Variants in SLAIN2 observed in about 807,000 individuals in gnomAD.
SLAIN2 encodes the protein SLAIN motif-containing protein 2.
SLAIN2 carries 31 observed loss-of-function variants against 56.6 expected under a neutral mutation model. That is an observed-to-expected ratio of 0.55 (90% CI 0.41 to 0.74). The LOEUF is 0.74. Ranked by LOEUF, SLAIN2 falls within the 30% of genes least tolerant of loss-of-function variation. The probability of loss-of-function intolerance (pLI) is 0.00; values close to 1 mark genes in which losing one functional copy is unlikely to be tolerated. For missense variants in SLAIN2, 777 were observed against 754.2 expected (o/e 1.03, Z -0.35); for synonymous variants, 317 against 284.9 (o/e 1.11, Z -1.13).
intron 6 of SLAIN2, among the ~76,000 whole-genome samples, chr4:48,414,612 G>A (rs2109787283): frequency 7.3e-6 from 1 of 137,016 alleles, no homozygotes. Flanking sequence ...CATTGTGCAG[G>A]TTAGTTACAT....
At chr4:48,363,707 C>T (rs1318671170) in intron 1 of SLAIN2, among the ~76,000 whole-genome samples, 1 of 121,768 alleles carries the variant, frequency 8.2e-6, no homozygotes, top group Admixed American at 7.5e-5. Context: ...GCAGAGGCGC[C>T]CCTCACCTCC....
At chr4:48,346,545 T>A (rs1195820856) in intron 1 of SLAIN2, among the ~76,000 whole-genome samples, 1 of 152,226 alleles carries the variant, frequency 6.6e-6, no homozygotes, top group African/African-American at 2.4e-5. Context: ...GAGAGTTGAT[T>A]TATTGTATGA....
intron 4 of SLAIN2, among the ~76,000 whole-genome samples, chr4:48,381,436 G>A (rs1279511650): frequency 2.0e-5 from 3 of 152,038 alleles, no homozygotes; most frequent in Admixed American, 1.3e-4. Flanking sequence ...ACAGATTTGG[G>A]CAGTCACCTG....
chr4:48,387,767 T>TACCAAGATAA (rs1716137446), intron 6 of SLAIN2, among the ~76,000 whole-genome samples: 1 of 152,070 alleles, frequency 6.6e-6, no homozygotes, highest in African/African-American at 2.4e-5. Flanking sequence ...GTTACCAATT[T>TACCAAGATAA]ATCTTGAAAT....
At chr4:48,414,093 G>A (rs1365744399) in intron 6 of SLAIN2, among the ~76,000 whole-genome samples, 1 of 152,212 alleles carries the variant, frequency 6.6e-6, no homozygotes, top group Admixed American at 6.5e-5. Flanking sequence ...CCAAGGTTAG[G>A]ATTCTTAGTC....
chr4:48,425,482 T>A lies in SLAIN2; in HGVS notation c.*3405T>A, dbSNP rs1206078366. ...GTATGGATGGAAAAATCAAGAATTG[T>A]ACACTGTTTAATGAGTTCTCCATAT... On this transcript the variant is annotated 3_prime_UTR_variant, in exon 8 of 8. Coordinates refer to ENST00000264313, the MANE Select transcript of SLAIN2 (RefSeq NM_020846.2). 7 of 152,176 alleles carry A rather than the reference T, an allele frequency of 4.6e-5. No individual in the cohort carries two copies. The highest frequency in any genetic ancestry group is 2.6e-4 in the Admixed American group (4 of 15,280). 9.4% of individuals were successfully genotyped at this position (152,176 alleles called of 1,614,324 possible).
At chr4:48,381,232 C>A (rs1560458022) in intron 4 of SLAIN2, among the ~76,000 whole-genome samples, 1 of 152,066 alleles carries the variant, frequency 6.6e-6, no homozygotes, top group Non-Finnish European at 1.5e-5. Context: ...GTTTTGGTAA[C>A]AATAGAAATT....
intron 1 of SLAIN2, among the ~76,000 whole-genome samples, chr4:48,343,055 A>G (rs1714769336): frequency 6.6e-6 from 1 of 152,156 alleles, no homozygotes; most frequent in Non-Finnish European, 1.5e-5. Flanking sequence ...CATTTTTCTT[A>G]AAGTTTTAAC....
At chr4:48,353,674 T>C (rs1715078856) in intron 1 of SLAIN2, among the ~76,000 whole-genome samples, 1 of 152,190 alleles carries the variant, frequency 6.6e-6, no homozygotes, top group Non-Finnish European at 1.5e-5. Context: ...CTGTGGAGTA[T>C]ATCTGATGGG....
At chr4:48,353,293 G>A (rs1715060671) in intron 1 of SLAIN2, among the ~76,000 whole-genome samples, 1 of 152,162 alleles carries the variant, frequency 6.6e-6, no homozygotes. Flanking sequence ...AAACTGGAAT[G>A]AATGGTCACC....
intron 6 of SLAIN2, among the ~76,000 whole-genome samples, chr4:48,389,614 A>G (rs1479977491): frequency 1.3e-5 from 2 of 152,238 alleles, no homozygotes; most frequent in Non-Finnish European, 2.9e-5. Flanking sequence ...ATATTAAAAG[A>G]TATCTCAGCC....
Position 48,365,096 on chromosome 4 carries a change from C to G in SLAIN2, c.390-4753C>G, listed in dbSNP as rs150860216. On this transcript the variant is annotated intron_variant, in intron 1 of 7. Coordinates refer to ENST00000264313, the MANE Select transcript of SLAIN2 (RefSeq NM_020846.2). ...TCACAGTAGTGTTTGTGGTGATGTC[C>G]TCTCTTTTGTTTTTGGTAAGTTATA... Among the ~76,000 whole-genome samples, 418 of 151,868 alleles carry G rather than the reference C, an allele frequency of 2.8e-3. 2 individuals are homozygous for G. The highest frequency in any genetic ancestry group is 0.021 in the Admixed American group (322 of 15,252).
At chr4:48,365,542 A>G (rs1560453497) in intron 1 of SLAIN2, among the ~76,000 whole-genome samples, 1 of 149,880 alleles carries the variant, frequency 6.7e-6, no homozygotes, top group South Asian at 2.1e-4. Context: ...CCTTCTGGCT[A>G]CTTTGGGTTT....
intron 6 of SLAIN2, among the ~76,000 whole-genome samples, chr4:48,416,934 A>T (rs1717012908): frequency 1.8e-5 from 2 of 108,740 alleles, no homozygotes; most frequent in African/African-American, 7.3e-5. Flanking sequence ...TAACATCACA[A>T]TTAAAAGAAC....
In SLAIN2 at chr4:48,393,095, G is replaced by A. The variant is rs1307241390; in HGVS notation, c.1360+9311G>A. Among the ~76,000 whole-genome samples, 6 of 151,858 alleles carry A rather than the reference G, an allele frequency of 4.0e-5. No individual in the cohort carries two copies. In the South Asian group the frequency reaches 8.3e-4, roughly 21 times the overall value. ...ATAGAAGTAAGATAACCCATTGGCC[G>A]GGTGCAGTGGCTCACGCATGTAATT... is the stretch of plus-strand genomic sequence containing the variant. On this transcript the variant is annotated intron_variant, in intron 6 of 7. Coordinates refer to ENST00000264313, the MANE Select transcript of SLAIN2 (RefSeq NM_020846.2).
At chr4:48,360,465 G>A (rs1408831994) in intron 1 of SLAIN2, among the ~76,000 whole-genome samples, 3 of 150,274 alleles carry the variant, frequency 2.0e-5, no homozygotes, top group South Asian at 2.1e-4. Flanking sequence ...TGGTGTGCAC[G>A]CTTGTAATTC....
At chr4:48,400,941 T>G (rs1716537624) in intron 6 of SLAIN2, among the ~76,000 whole-genome samples, 1 of 152,132 alleles carries the variant, frequency 6.6e-6, no homozygotes, top group Non-Finnish European at 1.5e-5. Flanking sequence ...GCCGTAAATT[T>G]CCCTCTTAAC....
At chr4:48,409,200 C>T (rs1311604018) in intron 6 of SLAIN2, among the ~76,000 whole-genome samples, 2 of 152,148 alleles carry the variant, frequency 1.3e-5, no homozygotes, top group Non-Finnish European at 2.9e-5. Flanking sequence ...AATCCAATTA[C>T]ACTCTTTAAG....
chr4:48,343,369 G>A (rs1260396049), intron 1 of SLAIN2, among the ~76,000 whole-genome samples: 1 of 152,182 alleles, frequency 6.6e-6, no homozygotes, highest in Non-Finnish European at 1.5e-5. Context: ...ATAGTAAACT[G>A]TCTAAAACAA....
Sources: allele counts gnomAD v4.1 joint callset (sites outside exome capture counted in the v4.1 genomes callset), GRCh38; gene constraint gnomAD v4.1.1; transcripts MANE v1.5; gene names NCBI Gene and HGNC (gene_info 2026-07-23, HGNC 2026-07-21).